SLC16A9: variants seen among roughly 807,000 people sequenced by gnomAD.
SLC16A9 encodes solute carrier family 16 member 9, also known as monocarboxylate transporter 9.
In SLC16A9, 26 loss-of-function variants were observed where a neutral mutation model predicts 44.3. That is an observed-to-expected ratio of 0.59 (90% CI 0.43 to 0.81). SLC16A9 has a LOEUF of 0.81. SLC16A9 is among the 40% of genes least tolerant of loss of function. SLC16A9 has a pLI of 0.00. For synonymous variants in SLC16A9, 230 were observed against 225.1 expected (o/e 1.02, Z -0.19); for missense variants, 559 against 595.8 (o/e 0.94, Z 0.64).
chr10:59,663,732 A>G (rs1419763888), intron 4 of SLC16A9, among the ~76,000 whole-genome samples: 1 of 152,164 alleles, frequency 6.6e-6, no homozygotes, highest in Non-Finnish European at 1.5e-5. Context: ...TGTTCTGCAC[A>G]TGTAACCCAG....
chr10:59,676,969 T>C (rs1717296302), intron 2 of SLC16A9, among the ~76,000 whole-genome samples: 1 of 145,108 alleles, frequency 6.9e-6, no homozygotes, highest in Non-Finnish European at 1.5e-5. Context: ...TTACTACTGC[T>C]TAATTAGAGA....
chr10:59,708,941 C>A (rs936689058), intron 1 of SLC16A9, among the ~76,000 whole-genome samples: 3 of 152,232 alleles, frequency 2.0e-5, no homozygotes, highest in Admixed American at 6.5e-5. Context: ...CTGGCGCCAA[C>A]GTGCAGAATC....
chr10:59,666,890 CA>C (rs1027842649), intron 3 of SLC16A9, among the ~76,000 whole-genome samples: 4 of 98,582 alleles, frequency 4.1e-5, no homozygotes, highest in African/African-American at 1.9e-4. Context: ...AAAAAAAAAA[CA>C]CACAGAATTT....
At chr10:59,664,010 A>G (rs555102940) in intron 4 of SLC16A9, among the ~76,000 whole-genome samples, 121 of 149,768 alleles carry the variant, frequency 8.1e-4, no homozygotes, top group African/African-American at 2.9e-3. Context: ...TACAAGACAT[A>G]AAAATTTATA....
chr10:59,707,158 C>A (rs185602409), intron 1 of SLC16A9, among the ~76,000 whole-genome samples: 1 of 148,670 alleles, frequency 6.7e-6, no homozygotes, highest in Non-Finnish European at 1.5e-5. Context: ...GGCTGAGGTG[C>A]GAGGATCACC....
chr10:59,659,665 A>G (rs1460489770), intron 4 of SLC16A9, among the ~76,000 whole-genome samples: 1 of 152,200 alleles, frequency 6.6e-6, no homozygotes, highest in Non-Finnish European at 1.5e-5. Flanking sequence ...AGACATCAAC[A>G]GAACTCTACA....
intron 2 of SLC16A9, among the ~76,000 whole-genome samples, chr10:59,673,123 C>A (rs1588973512): frequency 6.6e-6 from 1 of 152,078 alleles, no homozygotes; most frequent in Non-Finnish European, 1.5e-5. Flanking sequence ...TAGTCCCATT[C>A]TTTTTGATAA....
At chr10:59,706,011 T>A (rs966749855) in intron 1 of SLC16A9, among the ~76,000 whole-genome samples, 2 of 152,190 alleles carry the variant, frequency 1.3e-5, no homozygotes, top group African/African-American at 4.8e-5. Context: ...GACTTCCTTA[T>A]CTCTGTGCTA....
intron 4 of SLC16A9, among the ~76,000 whole-genome samples, chr10:59,658,703 T>C (rs1238093596): frequency 6.6e-6 from 1 of 152,222 alleles, no homozygotes; most frequent in East Asian, 1.9e-4. Context: ...ATTCCCCATC[T>C]TCTGTTTTTG....
At chr10:59,680,416 C>T (rs1343004466) in intron 2 of SLC16A9, among the ~76,000 whole-genome samples, 5 of 152,210 alleles carry the variant, frequency 3.3e-5, no homozygotes, top group Non-Finnish European at 7.3e-5. Flanking sequence ...TTCCAGCTCC[C>T]TCTGCCACCC....
At chr10:59,688,148 T>G (rs1840176110) in intron 1 of SLC16A9, among the ~76,000 whole-genome samples, 1 of 152,024 alleles carries the variant, frequency 6.6e-6, no homozygotes, top group Non-Finnish European at 1.5e-5. Context: ...TGCAACAGAG[T>G]CTTTGCCCAC....
At chr10:59,669,695 G>T (rs1156681007) in intron 3 of SLC16A9, among the ~76,000 whole-genome samples, 1 of 152,090 alleles carries the variant, frequency 6.6e-6, no homozygotes, top group Non-Finnish European at 1.5e-5. Context: ...AATGAGTCAA[G>T]CGTGGTGGCT....
intron 3 of SLC16A9, among the ~76,000 whole-genome samples, chr10:59,671,578 C>T (rs1295491610): frequency 6.6e-6 from 1 of 152,180 alleles, no homozygotes; most frequent in South Asian, 2.1e-4. Flanking sequence ...ATATACACAA[C>T]AGCTGATAGA....
intron 4 of SLC16A9, among the ~76,000 whole-genome samples, chr10:59,662,572 T>G (rs1241286877): frequency 7.5e-6 from 1 of 132,920 alleles, no homozygotes; most frequent in Non-Finnish European, 1.5e-5. Flanking sequence ...AGGTGGAGGT[T>G]GCAGTGAGCT....
In SLC16A9 at chr10:59,654,381, A is replaced by G. The variant is rs745641085; in HGVS notation, c.645T>C (p.Asn215=). The change falls in exon 5 of 6, where the codon AAT becomes AAC. Residue 215 remains asparagine, a synonymous_variant. Coordinates refer to ENST00000395348, the MANE Select transcript of SLC16A9 (RefSeq NM_194298.3). Reference sequence around the variant, plus strand: ...TTTCTTCCAGATTCTTTCCTTTTTCATTGTAAATGGAGTATTTATCTGGTA... The same window carrying G: ...TTTCTTCCAGATTCTTTCCTTTTTCGTTGTAAATGGAGTATTTATCTGGTA... ...EDLPDKYSIY[N]EKGKNLEENI... 9 of 1,613,634 alleles carry G rather than the reference A, an allele frequency of 5.6e-6. No homozygotes were observed. In the South Asian group the frequency reaches 9.9e-5, roughly 18 times the overall value.
In SLC16A9 at chr10:59,684,224, T is replaced by C. The variant is rs766221075; in HGVS notation, c.68A>G (p.Gln23Arg). 1.2e-6 allele frequency: 2 copies of C among 1,613,924 alleles called. No homozygotes were observed. Among genetic ancestry groups the C allele is most frequent in the Non-Finnish European group, 1.7e-6 (2 of 1,179,962 alleles). ...TAGTGGGGATCCGTAACACAAAAAC[T>C]GAGTAAGGAAGGAGACAAACACAAT... ...WVIVFVSFLT[Q>R]FLCYGSPLAV... The change falls in exon 2 of 6, where the codon CAG becomes CGG. Residue 23 changes from glutamine (Q) to arginine (R), a missense_variant. Physicochemically the swap from Gln to Arg is conservative, Grantham distance 43. Transcript: ENST00000395348.
intron 1 of SLC16A9, among the ~76,000 whole-genome samples, chr10:59,696,942 GC>G (rs1461008434): frequency 1.4e-5 from 2 of 139,036 alleles, no homozygotes; most frequent in South Asian, 2.4e-4. Context: ...TGGGGGGTCA[GC>G]CCCCCGCCCG....
intron 1 of SLC16A9, among the ~76,000 whole-genome samples, chr10:59,701,023 G>A (rs567209830): frequency 6.6e-6 from 1 of 152,186 alleles, no homozygotes; most frequent in East Asian, 1.9e-4. Context: ...CATTTCTAAC[G>A]AATTTTTCAC....
At chr10:59,665,978 A>T (rs6481477) in intron 3 of SLC16A9, among the ~76,000 whole-genome samples, 1 of 152,154 alleles carries the variant, frequency 6.6e-6, no homozygotes, top group Non-Finnish European at 1.5e-5. Flanking sequence ...AATCTGAAAC[A>T]CATTTACTTT....
Sources: allele counts gnomAD v4.1 joint callset (sites outside exome capture counted in the v4.1 genomes callset), GRCh38; gene constraint gnomAD v4.1.1; transcripts MANE v1.5; gene names NCBI Gene and HGNC (gene_info 2026-07-23, HGNC 2026-07-21).